The following SFI1 variants were observed in gnomAD, a reference collection of about 807,000 sequenced individuals.
SFI1 encodes the protein SFI1 centrin binding protein.
Under a neutral mutation model 207.5 loss-of-function variants are expected in SFI1, and 195 were observed. The observed-to-expected ratio is 0.94, with a 90% CI of 0.84 to 1.06. The LOEUF (loss-of-function observed/expected upper bound fraction) is 1.06, where lower values mean the gene tolerates loss of function less well. Ranked by LOEUF, SFI1 falls within the 50% of genes least tolerant of loss-of-function variation. SFI1 has a pLI of 0.00. For synonymous variants in SFI1, 630 were observed against 598.9 expected (o/e 1.05, Z -0.76); for missense variants, 1,634 against 1,588.0 (o/e 1.03, Z -0.49).
intron 15 of SFI1, among the ~76,000 whole-genome samples, chr22:31,601,613 T>C (rs2068110045): frequency 6.6e-6 from 1 of 152,152 alleles, no homozygotes; most frequent in South Asian, 2.1e-4. Context: ...TAAGTCAATA[T>C]AGAATTAATG....
In SFI1 at chr22:31,589,538, A is replaced by G; in HGVS notation, c.1505A>G (p.Gln502Arg). ...AACAGACTCTGGCGATGGCGCCACC[A>G]GGAAAATGTCCTCAGTGCAAGAGCA... ...TWNRLWRWRH[Q>R]ENVLSARATR... Residue 502 changes from glutamine to arginine, a missense_variant, in exon 15 of 33, where the codon CAG (glutamine) becomes CGG (arginine). Physicochemically the swap from Gln to Arg is conservative, Grantham distance 43 (BLOSUM62 1). Coordinates refer to ENST00000400288, the MANE Select transcript of SFI1 (RefSeq NM_001007467.3). 6.2e-7 allele frequency: 1 copy of G among 1,614,048 alleles called. No homozygotes were observed. The highest frequency in any genetic ancestry group is 8.5e-7 in the Non-Finnish European group (1 of 1,180,002).
chr22:31,524,278 A>C lies in SFI1; in HGVS notation c.93-4412A>C, dbSNP rs555039528. 6.7e-4 allele frequency among the ~76,000 whole-genome samples: 102 copies of C among 152,238 alleles called. 1 individual carries two copies. In the South Asian group the frequency reaches 0.02, roughly 30 times the overall value. The stretch of plus-strand genomic sequence containing the variant: ...TTTGTTATGTTTTTTGGTCTTTTTG[A>C]CAACAGTCACCTAACAAGTAAGATG... On this transcript the variant is annotated intron_variant, in intron 2 of 32. Transcript: ENST00000400288.
Position 31,616,997 on chromosome 22 carries a change from T to C in SFI1, c.3434-3T>C, listed in dbSNP as rs773583720. On this transcript the variant is annotated splice_region_variant and splice_polypyrimidine_tract_variant and intron_variant, in intron 30 of 32. Coordinates refer to ENST00000400288, the MANE Select transcript of SFI1 (RefSeq NM_001007467.3). ...TGAAACAAGCTTACTTCTGTCGCCA[T>C]AGGCAGCCTGGACCTTGAGGCTGAA... 5.6e-6 allele frequency: 9 copies of C among 1,614,044 alleles called. No individual in the cohort carries two copies. The highest frequency in any genetic ancestry group is 2.2e-5 in the East Asian group (1 of 44,882).
chr22:31,544,526 G>A (rs926173878), intron 4 of SFI1, among the ~76,000 whole-genome samples: 1 of 151,968 alleles, frequency 6.6e-6, no homozygotes, highest in Non-Finnish European at 1.5e-5. Flanking sequence ...ACCAAGGGAG[G>A]AGGATCACCT....
chr22:31,508,461 ATTATG>A (rs1420549410), intron 2 of SFI1, 85 bp downstream of exon 2: 1 of 996,696 alleles, frequency 1.0e-6, no homozygotes, highest in Non-Finnish European at 1.5e-6. Flanking sequence ...AAAATTATAA[ATTATG>A]AGTGAGGTAG....
intron 10 of SFI1, chr22:31,577,881 G>T (rs2063699199): frequency 6.5e-6 from 1 of 152,832 alleles, no homozygotes; most frequent in Non-Finnish European, 1.5e-5. Context: ...ACTGCAGGGT[G>T]TTGGGGGTGG....
chr22:31,548,822 T>A (rs184230836), intron 5 of SFI1, among the ~76,000 whole-genome samples: 1,775 of 151,166 alleles, frequency 0.012, 9 homozygotes, highest in Middle Eastern at 0.031. Flanking sequence ...AAAAAAAAAA[T>A]TCTTTTTTAA....
In SFI1 at chr22:31,559,761, A is replaced by G. The variant is rs138663459; in HGVS notation, c.663-1529A>G. On this transcript the variant is annotated intron_variant, in intron 7 of 32. Transcript: ENST00000400288. ...AGACGGAAGGATGTAAAGGATGGAAAATATAGCCAGGTCCTAGCCAGTGGT... is the reference window on the plus strand; with the variant it reads ...AGACGGAAGGATGTAAAGGATGGAAGATATAGCCAGGTCCTAGCCAGTGGT... 2,192 of 783,050 alleles carry G rather than the reference A, an allele frequency of 2.8e-3. 27 individuals carry two copies. In the African/African-American group the frequency reaches 0.034, roughly 12 times the overall value. 48.5% of individuals were successfully genotyped at this position (783,050 alleles called of 1,614,324 possible).
chr22:31,515,849 T>A (rs1473586938), intron 2 of SFI1, among the ~76,000 whole-genome samples: 6 of 151,540 alleles, frequency 4.0e-5, no homozygotes, highest in African/African-American at 1.5e-4. Flanking sequence ...GCAATTCTCC[T>A]GCCTCAGCCT....
chr22:31,606,246 A>G (rs2147114027), intron 20 of SFI1, 82 bp from the exon 21 acceptor site: 1 of 1,262,302 alleles, frequency 7.9e-7, no homozygotes, highest in East Asian at 2.3e-5. Flanking sequence ...GAGTAGGGGA[A>G]GAAGTAGGAA....
chr22:31,569,445 T>G (rs1444353882), intron 8 of SFI1, among the ~76,000 whole-genome samples: 1 of 152,020 alleles, frequency 6.6e-6, no homozygotes, highest in Non-Finnish European at 1.5e-5. Context: ...AATACAGGGG[T>G]CAGAGGAACA....
Position 31,561,641 on chromosome 22 carries a change from A to G in SFI1, c.765+249A>G, listed in dbSNP as rs563773750. ...TAATTGTGGAGCTGGAGAGGGATTT[A>G]TGAATTAGTTATAAACATGTTTAGA... On this transcript the variant is annotated intron_variant, in intron 8 of 32. Transcript: ENST00000400288. 3.9e-5 allele frequency among the ~76,000 whole-genome samples: 6 copies of G among 152,302 alleles called. No homozygotes were observed. In the East Asian group the frequency reaches 1.2e-3, roughly 29 times the overall value.
chr22:31,514,349 CA>C (rs979691651), intron 2 of SFI1, among the ~76,000 whole-genome samples: 8 of 148,430 alleles, frequency 5.4e-5, no homozygotes, highest in Admixed American at 3.4e-4. Context: ...ACTAAAAATA[CA>C]AAAAAAAATT....
chr22:31,604,423 C>T lies in SFI1; in HGVS notation c.1977+19C>T. On this transcript the variant is annotated intron_variant, in intron 19 of 32. Coordinates refer to ENST00000400288, the MANE Select transcript of SFI1 (RefSeq NM_001007467.3). The stretch of plus-strand genomic sequence containing the variant: ...ATGGGTGGTAGGAACTGCTGCTTCC[C>T]TCCTGATCTTGCTGTGGGGACAGGG... The T allele has an allele frequency of 2.0e-6, 3 of 1,493,190 alleles. No individual in the cohort carries two copies. Among genetic ancestry groups the T allele is most frequent in the East Asian group, 2.5e-5 (1 of 40,556 alleles). 92.5% of individuals were successfully genotyped at this position (1,493,190 alleles called of 1,614,324 possible).
At chr22:31,543,489 G>T (rs2059773276) in intron 4 of SFI1, among the ~76,000 whole-genome samples, 1 of 152,066 alleles carries the variant, frequency 6.6e-6, no homozygotes, top group Non-Finnish European at 1.5e-5. Context: ...ATTACCTTAT[G>T]TATGTCTTTG....
chr22:31,528,634 A>G (rs920869012), intron 2 of SFI1, 56 bp from the exon 3 acceptor site: 6 of 1,494,070 alleles, frequency 4.0e-6, no homozygotes, highest in Non-Finnish European at 5.5e-6. Context: ...AAGTATTTGC[A>G]TCACATGCAG....
chr22:31,576,363 C>T (rs1408197027), intron 10 of SFI1, among the ~76,000 whole-genome samples: 1 of 151,878 alleles, frequency 6.6e-6, no homozygotes, highest in Admixed American at 6.6e-5. Flanking sequence ...CTCTGTCACC[C>T]AGGCTGGATT....
chr22:31,539,433 A>G (rs1602350497), intron 4 of SFI1, among the ~76,000 whole-genome samples: 4 of 152,064 alleles, frequency 2.6e-5, no homozygotes, highest in Middle Eastern at 6.9e-3. Flanking sequence ...TCATATTTTT[A>G]ATTTCCGAGA....
chr22:31,568,196 GTGTGTGTGTGTGTGTA>G (rs1569333889), intron 8 of SFI1, among the ~76,000 whole-genome samples: 23 of 131,330 alleles, frequency 1.8e-4, no homozygotes, highest in African/African-American at 6.4e-4. Context: ...TGTGTGTGTT[GTGTGTGTGTGTGTGTA>G]TATATATATA....
Sources: gnomAD v4.1 joint callset for allele counts (sites outside exome capture counted in the v4.1 genomes callset) on GRCh38, gnomAD v4.1.1 for gene constraint, MANE v1.5 for transcripts, NCBI Gene and HGNC (gene_info 2026-07-23, HGNC 2026-07-21) for gene names.